The following RALYL variants were observed in gnomAD, a reference collection of about 807,000 sequenced individuals.
RALYL encodes the protein RALY RNA binding protein like, also known as RNA-binding Raly-like protein.
In RALYL, 29 loss-of-function variants were observed where a neutral mutation model predicts 35.1. That is an observed-to-expected ratio of 0.83 (90% CI 0.61 to 1.13). The LOEUF is 1.13. Among genes scored for constraint, RALYL ranks in the 50% most tolerant of loss-of-function variants. The pLI is 0.00. For missense variants in RALYL, 359 were observed against 360.4 expected (o/e 1.00, Z 0.03); for synonymous variants, 120 against 127.6 (o/e 0.94, Z 0.40).
chr8:84,270,116 A>G (rs1273159658), intron 1 of RALYL, among the ~76,000 whole-genome samples: 2 of 152,188 alleles, frequency 1.3e-5, no homozygotes, highest in African/African-American at 4.8e-5. Flanking sequence ...AGTGCTCACC[A>G]GCAACGGATT....
At chr8:84,884,508 C>CAT in intron 7 of RALYL, among the ~76,000 whole-genome samples, 1 of 115,198 alleles carries the variant, frequency 8.7e-6, no homozygotes, top group African/African-American at 5.2e-5. Context: ...CACACAAACA[C>CAT]ACACACACAT....
At position 84,885,831 on chromosome 8, in the gene RALYL, T is replaced by G. The variant is rs1343119706; in HGVS notation, c.686-1773T>G. On this transcript the variant is annotated intron_variant, in intron 7 of 8. Coordinates refer to ENST00000521268, the MANE Select transcript of RALYL (RefSeq NM_173848.7). ...GATCTAAGTTTACTGTTGTTGTTATTCAGTGAAGAGCATACCGTCTACCTT... is the reference window on the plus strand; with the variant it reads ...GATCTAAGTTTACTGTTGTTGTTATGCAGTGAAGAGCATACCGTCTACCTT... Among the ~76,000 whole-genome samples the G allele has an allele frequency of 3.3e-5, 5 of 152,198 alleles. No individual in the cohort carries two copies. In the East Asian group the frequency reaches 9.6e-4, roughly 29 times the overall value.
intron 8 of RALYL, among the ~76,000 whole-genome samples, chr8:84,911,868 T>C (rs763974121): frequency 6.6e-6 from 1 of 152,116 alleles, no homozygotes; most frequent in Non-Finnish European, 1.5e-5. Flanking sequence ...ACAATACAGA[T>C]GAACAGCCAG....
chr8:84,520,265 T>C (rs1028724419), intron 1 of RALYL, among the ~76,000 whole-genome samples: 1 of 152,188 alleles, frequency 6.6e-6, no homozygotes, highest in Non-Finnish European at 1.5e-5. Context: ...ATTTAAGCTT[T>C]GTTTTGCAGA....
At chr8:84,226,223 C>CTGA (rs774611737) in intron 1 of RALYL, among the ~76,000 whole-genome samples, 2 of 152,100 alleles carry the variant, frequency 1.3e-5, no homozygotes, top group African/African-American at 2.4e-5. Context: ...AATCTAATGC[C>CTGA]TGATGATCTG....
chr8:84,897,314 A>C (rs539826350), intron 8 of RALYL, among the ~76,000 whole-genome samples: 6 of 152,338 alleles, frequency 3.9e-5, no homozygotes, highest in African/African-American at 1.2e-4. Context: ...CATAATCTTC[A>C]TATGAAACTT....
intron 8 of RALYL, chr8:84,907,094 C>A: frequency 2.4e-6 from 1 of 420,552 alleles, no homozygotes; most frequent in Non-Finnish European, 3.2e-6. Flanking sequence ...TCTGCCTTGC[C>A]ACAGTTTTAG....
intron 1 of RALYL, among the ~76,000 whole-genome samples, chr8:84,407,182 G>A (rs1258183435): frequency 6.6e-6 from 1 of 152,026 alleles, no homozygotes; most frequent in African/African-American, 2.4e-5. Context: ...GATACAGCAT[G>A]GGTTTAGTTT....
chr8:84,776,342 T>G (rs965722119), intron 3 of RALYL, among the ~76,000 whole-genome samples: 2 of 152,210 alleles, frequency 1.3e-5, no homozygotes, highest in African/African-American at 2.4e-5. Context: ...AAAGCTATAC[T>G]GAAAAATACA....
intron 8 of RALYL, among the ~76,000 whole-genome samples, chr8:84,915,513 A>C (rs561018158): frequency 1.3e-5 from 2 of 152,212 alleles, no homozygotes; most frequent in East Asian, 3.9e-4. Context: ...ATTTAGACTC[A>C]ATGTAACAAA....
chr8:84,867,384 C>A (rs950374073), intron 6 of RALYL, among the ~76,000 whole-genome samples: 1 of 122,904 alleles, frequency 8.1e-6, no homozygotes, highest in African/African-American at 2.8e-5. Flanking sequence ...ATGCTTTGCA[C>A]AGATTATACT....
intron 5 of RALYL, 149 bp from the exon 6 acceptor site, chr8:84,862,147 A>G: frequency 1.6e-6 from 1 of 611,762 alleles, no homozygotes; most frequent in Non-Finnish European, 2.6e-6. Context: ...ATCTGCCAAT[A>G]AATACCTGCA....
At chr8:84,403,541 T>G (rs1046209244) in intron 1 of RALYL, among the ~76,000 whole-genome samples, 1 of 139,870 alleles carries the variant, frequency 7.1e-6, no homozygotes, top group African/African-American at 2.8e-5. Flanking sequence ...TTTTTTTTTT[T>G]TTTTTTTTTT....
chr8:84,842,115 A>G (rs1833533094), intron 4 of RALYL, among the ~76,000 whole-genome samples: 1 of 152,212 alleles, frequency 6.6e-6, no homozygotes, highest in African/African-American at 2.4e-5. Context: ...AATAACTAAG[A>G]TCAGAGCAGA....
chr8:84,821,932 G>A (rs1043685808), intron 4 of RALYL, among the ~76,000 whole-genome samples: 2 of 152,066 alleles, frequency 1.3e-5, no homozygotes, highest in Non-Finnish European at 2.9e-5. Flanking sequence ...TATTTCCTTA[G>A]TAAAAATTTC....
chr8:84,236,879 A>G (rs1826697268), intron 1 of RALYL, among the ~76,000 whole-genome samples: 1 of 152,210 alleles, frequency 6.6e-6, no homozygotes. Context: ...GTACTTCAAT[A>G]AAAGTTTATT....
intron 2 of RALYL, chr8:84,705,791 G>C (rs1841097747): frequency 1.4e-6 from 1 of 700,396 alleles, no homozygotes; most frequent in Non-Finnish European, 2.1e-6. Context: ...AGGATCGGGG[G>C]AGGTGAAGGA....
chr8:84,427,503 A>G (rs1230769952), intron 1 of RALYL, among the ~76,000 whole-genome samples: 1 of 152,120 alleles, frequency 6.6e-6, no homozygotes, highest in Non-Finnish European at 1.5e-5. Flanking sequence ...TTTTGAGAAA[A>G]CACTGACCCA....
At chr8:84,254,899 A>G (rs1246499156) in intron 1 of RALYL, among the ~76,000 whole-genome samples, 1 of 152,064 alleles carries the variant, frequency 6.6e-6, no homozygotes, top group African/African-American at 2.4e-5. Context: ...GAACTACCAA[A>G]CAATCATAAA....
Sources: gnomAD v4.1 joint callset for allele counts (sites outside exome capture counted in the v4.1 genomes callset) on GRCh38, gnomAD v4.1.1 for gene constraint, MANE v1.5 for transcripts, NCBI Gene and HGNC (gene_info 2026-07-23, HGNC 2026-07-21) for gene names.